The following RSF1 variants were observed in gnomAD, a reference collection of about 807,000 sequenced individuals.
RSF1 encodes remodeling and spacing factor 1.
A neutral mutation model predicts 145.2 loss-of-function variants in RSF1; 13 were observed. The ratio of observed to expected loss-of-function variants is 0.09; its 90% CI spans 0.06 to 0.14. The LOEUF is 0.14. Among genes scored for constraint, RSF1 ranks in the 10% least tolerant of loss-of-function variants. RSF1 has a pLI of 1.00. For missense variants in RSF1, 1,517 were observed against 1,718.2 expected, an observed-to-expected ratio of 0.88 and a Z score of 2.07; for synonymous variants, 577 against 592.6, an observed-to-expected ratio of 0.97 and a Z score of 0.38.
intron 1 of RSF1, 78 bp downstream of exon 1, chr11:77,820,450 A>C: frequency 1.4e-6 from 2 of 1,422,988 alleles, no homozygotes; most frequent in Non-Finnish European, 1.9e-6. Flanking sequence ...GCCGCGAAGA[A>C]CCGGGGCGCC....
chr11:77,788,009 G>A (rs1464445676), intron 1 of RSF1, among the ~76,000 whole-genome samples: 1 of 151,028 alleles, frequency 6.6e-6, no homozygotes, highest in Non-Finnish European at 1.5e-5. Context: ...AGGTATGGAG[G>A]TGTACGCCTG....
At chr11:77,735,940 T>C (rs922608045) in intron 4 of RSF1, among the ~76,000 whole-genome samples, 2 of 152,216 alleles carry the variant, frequency 1.3e-5, no homozygotes, top group Admixed American at 1.3e-4. Flanking sequence ...AGTTTCACCA[T>C]GTTGGCCAGG....
chr11:77,694,211 A>G (rs1483830313), intron 7 of RSF1, among the ~76,000 whole-genome samples: 2 of 152,342 alleles, frequency 1.3e-5, no homozygotes, highest in South Asian at 2.1e-4. Flanking sequence ...CTATAACAAC[A>G]TATTCCTTAT....
At chr11:77,704,838 C>T (rs565556345) in intron 5 of RSF1, among the ~76,000 whole-genome samples, 25 of 149,268 alleles carry the variant, frequency 1.7e-4, no homozygotes, top group African/African-American at 4.2e-4. Flanking sequence ...CCACAACCTC[C>T]GTCTCCTGGG....
At chr11:77,717,898 C>T (rs1489657394) in intron 5 of RSF1, 4 of 152,186 alleles carry the variant, frequency 2.6e-5, no homozygotes, top group African/African-American at 9.7e-5. Flanking sequence ...CATCTTGTCT[C>T]ACTTATTACC....
At chr11:77,737,631 T>G (rs1389770374) in intron 4 of RSF1, among the ~76,000 whole-genome samples, 3 of 91,844 alleles carry the variant, frequency 3.3e-5, no homozygotes, top group South Asian at 3.3e-4. Flanking sequence ...GGTGTGTGTG[T>G]GTGTGTGTGT....
the RSF1 span, among the ~76,000 whole-genome samples, chr11:77,839,364 A>T: frequency 6.6e-6 from 1 of 152,160 alleles, no homozygotes; most frequent in Non-Finnish European, 1.5e-5. Flanking sequence ...CTTTTACACT[A>T]TTGGTGGAAA....
intron 5 of RSF1, among the ~76,000 whole-genome samples, chr11:77,714,266 A>G (rs1014410826): frequency 4.6e-5 from 7 of 152,130 alleles, no homozygotes; most frequent in Non-Finnish European, 1.0e-4. Flanking sequence ...AGTACCTGAG[A>G]ATCTTTAAGA....
the RSF1 span, chr11:77,872,226 G>T: frequency 6.2e-7 from 1 of 1,613,800 alleles, no homozygotes. Flanking sequence ...TGATGTGCGG[G>T]TCCTCCAGAC....
chr11:77,812,231 G>A (rs1565188459), intron 1 of RSF1, among the ~76,000 whole-genome samples: 1 of 152,054 alleles, frequency 6.6e-6, no homozygotes, highest in African/African-American at 2.4e-5. Context: ...CTTTTAAAAA[G>A]CCTCTTTAGA....
intron 1 of RSF1, among the ~76,000 whole-genome samples, chr11:77,776,706 T>C (rs185439364): frequency 4.6e-5 from 7 of 152,320 alleles, no homozygotes; most frequent in African/African-American, 1.7e-4. Context: ...AGCCAGCCAA[T>C]TGCTAAAAAT....
chr11:77,774,576 AT>A (rs1948321492), intron 1 of RSF1, among the ~76,000 whole-genome samples: 1 of 26,168 alleles, frequency 3.8e-5, no homozygotes, highest in East Asian at 1.1e-3. Context: ...GTCTCAAAAA[AT>A]AAATAAATAA....
At chr11:77,750,785 A>T (rs1948053580) in intron 2 of RSF1, among the ~76,000 whole-genome samples, 1 of 152,256 alleles carries the variant, frequency 6.6e-6, no homozygotes, top group South Asian at 2.1e-4. Context: ...AAACATGAAC[A>T]ATTTGACATA....
intron 4 of RSF1, among the ~76,000 whole-genome samples, chr11:77,738,506 C>A (rs1961422756): frequency 6.6e-6 from 1 of 152,148 alleles, no homozygotes; most frequent in East Asian, 1.9e-4. Flanking sequence ...TAAGCATTTA[C>A]ACATTTTGTT....
chr11:77,742,462 T>C (rs1442302263), intron 3 of RSF1, among the ~76,000 whole-genome samples: 1 of 152,134 alleles, frequency 6.6e-6, no homozygotes, highest in East Asian at 1.9e-4. Context: ...GTATTTTTAG[T>C]AGAGACAGGG....
At chr11:77,850,171 TA>T in the RSF1 span, among the ~76,000 whole-genome samples, 5 of 152,190 alleles carry the variant, frequency 3.3e-5, no homozygotes, top group Admixed American at 1.3e-4. Flanking sequence ...TTCATTAGTT[TA>T]AAAAAGGACA....
At chr11:77,807,010 T>C (rs1948684310) in intron 1 of RSF1, among the ~76,000 whole-genome samples, 3 of 152,254 alleles carry the variant, frequency 2.0e-5, no homozygotes, top group Middle Eastern at 3.2e-3. Context: ...TAATTCCTTA[T>C]AGAATTTATT....
At position 77,820,546 on chromosome 11, in the gene RSF1, C is replaced by T; in HGVS notation, c.169G>A (p.Asp57Asn). ...LERVLQAPPP[D>N]VGNGEVPKEL... is the part of the protein sequence containing the mutation. ...CGCTTACCTTCTCCGTTGCCGACGT[C>T]CGGCGGCGGCGCCTGCAGCACCCGC... The change falls in exon 1 of 16, where the codon GAC becomes AAC. Residue 57 changes from aspartate (D) to asparagine (N), a missense_variant. Coordinates refer to ENST00000308488, the MANE Select transcript of RSF1 (RefSeq NM_016578.4). 1 of 1,548,974 alleles carries T rather than the reference C, an allele frequency of 6.5e-7. No individual in the cohort carries two copies. The highest frequency in any genetic ancestry group is 2.0e-5 in the Admixed American group (1 of 51,006).
chr11:77,760,521 C>T (rs891457358), intron 2 of RSF1, among the ~76,000 whole-genome samples: 1 of 152,030 alleles, frequency 6.6e-6, no homozygotes, highest in South Asian at 2.1e-4. Context: ...CACTAAAAAC[C>T]AATGAACTGT....
Sources: allele counts gnomAD v4.1 joint callset (sites outside exome capture counted in the v4.1 genomes callset), GRCh38; gene constraint gnomAD v4.1.1; transcripts MANE v1.5; gene names NCBI Gene and HGNC (gene_info 2026-07-23, HGNC 2026-07-21).